The following RRN3 variants were observed in gnomAD, a reference collection of about 807,000 sequenced individuals.
RRN3 encodes RNA polymerase I transcription factor RRN3.
Under a neutral mutation model 82.3 loss-of-function variants are expected in RRN3, and 38 were observed. The ratio of observed to expected loss-of-function variants is 0.46; its 90% CI spans 0.36 to 0.61. The LOEUF is 0.61. Ranked by LOEUF, RRN3 falls within the 20% of genes least tolerant of loss-of-function variation. The pLI is 0.00. For missense variants in RRN3, 726 were observed against 793.1 expected (o/e 0.92, Z 1.02); for synonymous variants, 284 against 284.3 (o/e 1.00, Z 0.01).
intron 1 of RRN3, chr16:15,093,823 C>A: frequency 2.4e-6 from 1 of 411,306 alleles, no homozygotes; most frequent in Non-Finnish European, 4.3e-6. Context: ...CCAGGGAAAT[C>A]CCTTCCAAAT....
intron 8 of RRN3, 121 bp downstream of exon 8, chr16:15,083,392 C>G: frequency 6.9e-7 from 1 of 1,441,440 alleles, no homozygotes. Flanking sequence ...GAGTGAGACT[C>G]GGTCTCAAAA....
In RRN3 at chr16:15,094,191, C is replaced by T. The variant is rs368096375; in HGVS notation, c.43G>A (p.Ala15Thr). ...TTCTTAACTGCAGAGGACGAAGCGG[C>T]CGCATCTCCCGGCAAACGCGTGTGA... ...LLHTRLPGDA[A>T]ASSSAVKKLG... Residue 15 changes from alanine (A) to threonine (T), a missense_variant, in exon 1 of 18, where the codon GCC becomes ACC. Physicochemically the swap from Ala to Thr is moderately conservative, Grantham distance 58. Transcript: ENST00000198767. 243 of 1,600,558 alleles carry T rather than the reference C, an allele frequency of 1.5e-4. No individual in the cohort carries two copies. Among genetic ancestry groups the T allele is most frequent in the Non-Finnish European group, 1.9e-4 (225 of 1,174,184 alleles).
chr16:15,093,306 G>C (rs1417085209), intron 1 of RRN3, among the ~76,000 whole-genome samples: 1 of 152,064 alleles, frequency 6.6e-6, no homozygotes, highest in Non-Finnish European at 1.5e-5. Context: ...GCCCGGCCTA[G>C]ATTTTTGTCT....
intron 8 of RRN3, among the ~76,000 whole-genome samples, chr16:15,080,949 T>C (rs1354380057): frequency 6.6e-6 from 1 of 152,210 alleles, no homozygotes; most frequent in Non-Finnish European, 1.5e-5. Flanking sequence ...GGCATGTTTT[T>C]AGGGTTCAAT....
intron 1 of RRN3, among the ~76,000 whole-genome samples, chr16:15,093,182 T>C (rs1269312360): frequency 6.6e-6 from 1 of 152,178 alleles, no homozygotes; most frequent in Non-Finnish European, 1.5e-5. Context: ...TTTTTGTATT[T>C]TCAGTAGAGA....
intron 8 of RRN3, among the ~76,000 whole-genome samples, chr16:15,082,023 C>G (rs1463067938): frequency 6.6e-6 from 1 of 152,178 alleles, no homozygotes; most frequent in African/African-American, 2.4e-5. Flanking sequence ...TGTGTGTAAA[C>G]TCCTTAGAAT....
At chr16:15,085,804 T>TA (rs2045895535) in intron 5 of RRN3, 106 bp from the exon 6 acceptor site, 5 of 1,471,950 alleles carry the variant, frequency 3.4e-6, no homozygotes, top group Non-Finnish European at 4.6e-6. Context: ...TAAAAAAAGT[T>TA]ATTTTTCCAT....
intron 13 of RRN3, among the ~76,000 whole-genome samples, chr16:15,070,821 C>G (rs1466853545): frequency 4.6e-5 from 7 of 151,836 alleles, no homozygotes; most frequent in Admixed American, 1.3e-4. Flanking sequence ...GAAAAAATGA[C>G]AAACCTACAA....
rs146194005 is a variant in RRN3 at position 15,083,324 on chromosome 16, G to A, written c.666+189C>T. Among the ~76,000 whole-genome samples, 741 of 152,224 alleles carry A rather than the reference G, an allele frequency of 4.9e-3. 5 individuals are homozygous for A. Among genetic ancestry groups the A allele is most frequent in the African/African-American group, 0.017 (718 of 41,534 alleles). On this transcript the variant is annotated intron_variant, in intron 8 of 17. Transcript: ENST00000198767. ...TGAGGCAGGAGAATCGCTTGAACCC[G>A]AGAGGCAGAGGTTGCAGTGAGCCAA...
chr16:15,063,326 G>A (rs4012844), intron 16 of RRN3, 43 bp from the exon 17 acceptor site: 76 of 1,445,786 alleles, frequency 5.3e-5, no homozygotes, highest in African/African-American at 3.5e-4. Context: ...TAAATACTTC[G>A]GCAGAAGTCA....
intron 11 of RRN3, among the ~76,000 whole-genome samples, 199 bp from the exon 12 acceptor site, chr16:15,073,279 G>A (rs1473217521): frequency 2.0e-5 from 3 of 152,052 alleles, no homozygotes; most frequent in Non-Finnish European, 1.5e-5. Context: ...GGGAACACAG[G>A]GAAGCTCTGT....
chr16:15,061,409 G>T lies in RRN3; in HGVS notation c.*335C>A, dbSNP rs2044705544. 3 of 275,146 alleles carry T rather than the reference G, an allele frequency of 1.1e-5. No individual in the cohort carries two copies. In the South Asian group the frequency reaches 4.8e-4, roughly 44 times the overall value. 17.0% of individuals were successfully genotyped at this position (275,146 alleles called of 1,614,324 possible). A position where few individuals can be genotyped will look rare whatever the true frequency, so the allele number is the denominator to read the frequency against. On this transcript the variant is annotated 3_prime_UTR_variant, in exon 18 of 18. Transcript: ENST00000198767. ...AAAACAGCAACCCGTAAAACAGTCT[G>T]CTGCCTATATTAGAAATTACCCAGT...
At chr16:15,067,338 A>C (rs2045022697) in intron 15 of RRN3, among the ~76,000 whole-genome samples, 1 of 137,564 alleles carries the variant, frequency 7.3e-6, no homozygotes, top group Non-Finnish European at 1.6e-5. Context: ...GACTACATTT[A>C]AATCTGTGCT....
chr16:15,067,888 G>A (rs567630271), intron 15 of RRN3, among the ~76,000 whole-genome samples: 132 of 152,046 alleles, frequency 8.7e-4, no homozygotes, highest in African/African-American at 3.1e-3. Flanking sequence ...CTCCTGAGTA[G>A]TTGGGACTAC....
At chr16:15,089,786 C>CAAAAAAA (rs142235345) in intron 3 of RRN3, among the ~76,000 whole-genome samples, 9 of 66,580 alleles carry the variant, frequency 1.4e-4, no homozygotes, top group African/African-American at 2.1e-4. Flanking sequence ...GGCGACAGAG[C>CAAAAAAA]AAAAAAAAAA....
intron 11 of RRN3, among the ~76,000 whole-genome samples, chr16:15,074,018 T>G (rs573693011): frequency 6.6e-5 from 10 of 152,194 alleles, no homozygotes; most frequent in Non-Finnish European, 1.3e-4. Flanking sequence ...AATACTCTCC[T>G]ACATATACAG....
rs1313032454 is a variant in RRN3 at position 15,085,723 on chromosome 16, T to A, written c.473-25A>T. The A allele has an allele frequency of 6.8e-6, 11 of 1,612,336 alleles. No individual in the cohort carries two copies. The Admixed American group carries it at 1.8e-4, about 27-fold the overall frequency. On this transcript the variant is annotated intron_variant, in intron 5 of 17. Transcript: ENST00000198767. ...GCTTTTGAGGGAAAAAGAAAATATGTTATTCTGTCATTGATCTAGACAATG... is the reference window on the plus strand; with the variant it reads ...GCTTTTGAGGGAAAAAGAAAATATGATATTCTGTCATTGATCTAGACAATG...
At chr16:15,068,315 C>T in intron 14 of RRN3, 38 bp from the exon 15 acceptor site, 1 of 1,552,542 alleles carries the variant, frequency 6.4e-7, no homozygotes, top group East Asian at 2.3e-5. Flanking sequence ...TTTAAAGGTA[C>T]AAATAAGTGA....
At chr16:15,085,444 C>T (rs1444364054) in intron 6 of RRN3, among the ~76,000 whole-genome samples, 195 bp downstream of exon 6, 2 of 152,078 alleles carry the variant, frequency 1.3e-5, no homozygotes, top group African/African-American at 4.8e-5. Context: ...CACTACCCTG[C>T]CTAGTTCTAC....
Sources: allele counts gnomAD v4.1 joint callset (sites outside exome capture counted in the v4.1 genomes callset), GRCh38; gene constraint gnomAD v4.1.1; transcripts MANE v1.5; gene names NCBI Gene and HGNC (gene_info 2026-07-23, HGNC 2026-07-21).